Variants in DPYSL3 observed in about 807,000 individuals in gnomAD.
DPYSL3 encodes dihydropyrimidinase-related protein 3.
A neutral mutation model predicts 66.1 loss-of-function variants in DPYSL3; 16 were observed. That is an observed-to-expected ratio of 0.24 (90% CI 0.16 to 0.37). The LOEUF (loss-of-function observed/expected upper bound fraction) is 0.37, where lower values mean the gene tolerates loss of function less well. Ranked by LOEUF, DPYSL3 falls within the 10% of genes least tolerant of loss-of-function variation. The pLI, the probability that DPYSL3 is intolerant of heterozygous loss-of-function variation, is 1.00. For synonymous variants in DPYSL3, 338 were observed against 345.1 expected (o/e 0.98, Z 0.23); for missense variants, 738 against 916.2 (o/e 0.81, Z 2.51).
intron 1 of DPYSL3, among the ~76,000 whole-genome samples, chr5:147,433,423 T>C (rs183172926): frequency 6.6e-6 from 1 of 152,228 alleles, no homozygotes; most frequent in East Asian, 1.9e-4. Flanking sequence ...TTAACTGGGC[T>C]TTTGGTTGGA....
At chr5:147,492,999 G>A (rs912971977) in intron 1 of DPYSL3, among the ~76,000 whole-genome samples, 1 of 152,094 alleles carries the variant, frequency 6.6e-6, no homozygotes. Context: ...AATGGAGAAA[G>A]AAATACCATG....
intron 1 of DPYSL3, among the ~76,000 whole-genome samples, chr5:147,474,623 T>C (rs919253864): frequency 6.6e-6 from 1 of 152,068 alleles, no homozygotes; most frequent in Non-Finnish European, 1.5e-5. Flanking sequence ...GAGGTAATGA[T>C]TGTATGGAGA....
chr5:147,429,807 C>T (rs919443034), intron 1 of DPYSL3, among the ~76,000 whole-genome samples: 3 of 152,152 alleles, frequency 2.0e-5, no homozygotes, highest in Non-Finnish European at 2.9e-5. Flanking sequence ...CTATTTGATA[C>T]TGAATTCGTT....
chr5:147,424,162 C>T (rs753232910), intron 2 of DPYSL3, among the ~76,000 whole-genome samples: 1 of 152,182 alleles, frequency 6.6e-6, no homozygotes, highest in Non-Finnish European at 1.5e-5. Flanking sequence ...TAACCAAAAT[C>T]TTTAACTAGT....
intron 4 of DPYSL3, among the ~76,000 whole-genome samples, chr5:147,413,948 T>C (rs1751911376): frequency 6.6e-6 from 1 of 152,190 alleles, no homozygotes; most frequent in African/African-American, 2.4e-5. Context: ...TAAACTTTGT[T>C]ATTGCTCAAG....
chr5:147,509,217 AG>A lies in DPYSL3; in HGVS notation c.381+260del, dbSNP rs1753722666. 6.6e-6 allele frequency among the ~76,000 whole-genome samples: 1 copy of A among 152,100 alleles called. No individual in the cohort carries two copies. Among genetic ancestry groups the A allele is most frequent in the Admixed American group, 6.5e-5 (1 of 15,272 alleles). Reference sequence around the variant, plus strand: ...TGGCCCAGGAGTGCGGCGAGGAGGCAGGGGCAAAGGACGCGGCTCCAGGCAG... The same window carrying A: ...TGGCCCAGGAGTGCGGCGAGGAGGCAGGGCAAAGGACGCGGCTCCAGGCAG... On this transcript the variant is annotated intron_variant, in intron 1 of 13. Coordinates refer to ENST00000343218, the MANE Select transcript of DPYSL3 (RefSeq NM_001197294.2). The surrounding 1 kb of genome is among the most constrained non-coding windows in gnomAD (Gnocchi z 5.3).
At chr5:147,418,768 C>A in intron 2 of DPYSL3, 137 bp from the exon 3 acceptor site, 1 of 701,652 alleles carries the variant, frequency 1.4e-6, no homozygotes, top group South Asian at 2.4e-5. Flanking sequence ...AAGTGACTCA[C>A]AAGCTTAGCA....
In DPYSL3 at chr5:147,408,806, A is replaced by G. The variant is rs1441375889; in HGVS notation, c.964-10T>C. The G allele has an allele frequency of 1.2e-6, 2 of 1,614,086 alleles. No homozygotes were observed. The highest frequency in any genetic ancestry group is 1.7e-6 in the Non-Finnish European group (2 of 1,180,030). ...ACATGCGGGTTTGCTCCTGAAATGA[A>G]AAAAGAAAATAGTTCTTCAATAAGC... On this transcript the variant is annotated splice_polypyrimidine_tract_variant and intron_variant, in intron 6 of 13. Transcript: ENST00000343218.
At position 147,509,513 on chromosome 5, in the gene DPYSL3, T is replaced by C. The variant is rs949992912; in HGVS notation, c.346A>G (p.Lys116Glu). ...AGVEIRSATG[K>E]EVLQNLGPKD... ...GGGCCGAGGTTCTGCAACACCTCTT[T>C]GCCGGTGGCGCTCCGGATCTCTACC... Residue 116 changes from lysine to glutamate, a missense_variant, in exon 1 of 14, where the codon AAA becomes GAA. Physicochemically the swap from Lys to Glu is moderately conservative, Grantham distance 56 (BLOSUM62 1). Coordinates refer to ENST00000343218, the MANE Select transcript of DPYSL3 (RefSeq NM_001197294.2). This position sits in a 1 kb window ranked among gnomAD's most constrained non-coding sequence, Gnocchi z 5.3. The C allele has an allele frequency of 6.5e-7, 1 of 1,533,054 alleles. No homozygotes were observed. Among genetic ancestry groups the C allele is most frequent in the Non-Finnish European group, 8.7e-7 (1 of 1,145,440 alleles). The allele number at this position is 1,533,054 out of a possible 1,614,324, so 95.0% of individuals were successfully genotyped here.
chr5:147,440,261 C>T lies in DPYSL3; in HGVS notation c.382-15298G>A, dbSNP rs969812837. ...GAGCTTGCAGTGAGCCTAGATCACG[C>T]CACTACACTCCAGCCTGGGTGACAG... On this transcript the variant is annotated intron_variant, in intron 1 of 13. Coordinates refer to ENST00000343218, the MANE Select transcript of DPYSL3 (RefSeq NM_001197294.2). 4.6e-5 allele frequency among the ~76,000 whole-genome samples: 7 copies of T among 152,164 alleles called. No homozygotes were observed. In the East Asian group the frequency reaches 9.6e-4, roughly 21 times the overall value.
intron 1 of DPYSL3, among the ~76,000 whole-genome samples, chr5:147,502,284 C>A (rs1174972072): frequency 6.6e-6 from 1 of 151,992 alleles, no homozygotes; most frequent in Admixed American, 6.6e-5. Flanking sequence ...TGGGGGTACA[C>A]AAACCTTCAG....
intron 13 of DPYSL3, 50 bp downstream of exon 13, chr5:147,395,498 TCAGAACATTGA>T: frequency 6.5e-7 from 1 of 1,550,324 alleles, no homozygotes; most frequent in East Asian, 2.4e-5. Flanking sequence ...CCCTGTGGCC[TCAGAACATTGA>T]TCTTCCCCTT....
intron 1 of DPYSL3, chr5:147,453,938 G>T (rs1431020417): frequency 3.7e-5 from 12 of 324,002 alleles, no homozygotes; most frequent in Non-Finnish European, 5.5e-5. Context: ...TATCCCTATT[G>T]ATTTTCCTCT....
intron 1 of DPYSL3, chr5:147,453,810 G>T: frequency 9.3e-7 from 1 of 1,070,170 alleles, no homozygotes; most frequent in Non-Finnish European, 1.1e-6. Flanking sequence ...GCCCCCCCAC[G>T]CACACCCTCC....
At chr5:147,470,115 G>T (rs770820155) in intron 1 of DPYSL3, among the ~76,000 whole-genome samples, 4 of 152,142 alleles carry the variant, frequency 2.6e-5, no homozygotes, top group African/African-American at 4.8e-5. Context: ...CAAGCTGAAG[G>T]TTCATCCTCT....
intron 5 of DPYSL3, 74 bp downstream of exon 5, chr5:147,413,522 C>T: frequency 3.2e-6 from 4 of 1,232,626 alleles, no homozygotes; most frequent in Non-Finnish European, 4.7e-6. Flanking sequence ...ATTCATGTTA[C>T]AAGGGCCAAG....
At position 147,412,697 on chromosome 5, in the gene DPYSL3, G is replaced by T. The variant is rs1436292495; in HGVS notation, c.883-9C>A. Reference sequence around the variant, plus strand: ...GTGAAGATCTCATAGAGCTGAAATAGAAATGAGTCTTTGTCACTCTTGCAA... The same window carrying T: ...GTGAAGATCTCATAGAGCTGAAATATAAATGAGTCTTTGTCACTCTTGCAA... On this transcript the variant is annotated splice_polypyrimidine_tract_variant and intron_variant, in intron 5 of 13. Coordinates refer to ENST00000343218, the MANE Select transcript of DPYSL3 (RefSeq NM_001197294.2). 1.9e-6 allele frequency: 3 copies of T among 1,607,670 alleles called. No individual in the cohort carries two copies. Among genetic ancestry groups the T allele is most frequent in the Non-Finnish European group, 2.5e-6 (3 of 1,176,570 alleles).
At chr5:147,492,001 T>A (rs1436783816) in intron 1 of DPYSL3, among the ~76,000 whole-genome samples, 1 of 152,036 alleles carries the variant, frequency 6.6e-6, no homozygotes, top group Non-Finnish European at 1.5e-5. Context: ...TAGACATATA[T>A]TCAAATTTCA....
At chr5:147,433,409 A>AC (rs1208709976) in intron 1 of DPYSL3, among the ~76,000 whole-genome samples, 2 of 152,174 alleles carry the variant, frequency 1.3e-5, no homozygotes, top group Non-Finnish European at 2.9e-5. Context: ...CATATGGCAA[A>AC]TCTTTAACTG....
Sources: allele counts gnomAD v4.1 joint callset (sites outside exome capture counted in the v4.1 genomes callset), GRCh38; gene constraint gnomAD v4.1.1; non-coding constraint Gnocchi (gnomAD v3.1); transcripts MANE v1.5; gene names NCBI Gene and HGNC (gene_info 2026-07-23, HGNC 2026-07-21).